UBR1: variants seen among roughly 807,000 people sequenced by gnomAD.
UBR1 encodes the protein E3 ubiquitin-protein ligase UBR1.
A neutral mutation model predicts 242.1 loss-of-function variants in UBR1; 102 were observed. The observed-to-expected ratio is 0.42, with a 90% CI of 0.36 to 0.50. The LOEUF (loss-of-function observed/expected upper bound fraction) is 0.50. UBR1 is among the 20% of genes least tolerant of loss of function. The probability of loss-of-function intolerance (pLI) is 0.01; values close to 1 mark genes in which losing one functional copy is unlikely to be tolerated. For synonymous variants in UBR1, 675 were observed against 684.8 expected, an observed-to-expected ratio of 0.99 and a Z score of 0.22; for missense variants, 1,772 against 2,101.8, an observed-to-expected ratio of 0.84 and a Z score of 3.07.
intron 29 of UBR1, 43 bp downstream of exon 29, chr15:43,015,645 A>G (rs755487127): frequency 6.2e-7 from 1 of 1,605,916 alleles, no homozygotes; most frequent in South Asian, 1.1e-5. Flanking sequence ...TCAATTTAAA[A>G]AAAAAAAATT....
At chr15:43,081,430 A>G (rs2033973709) in intron 3 of UBR1, among the ~76,000 whole-genome samples, 1 of 151,666 alleles carries the variant, frequency 6.6e-6, no homozygotes, top group African/African-American at 2.4e-5. Context: ...AAAAAAAAAA[A>G]AAAAAAAAAA....
intron 44 of UBR1, among the ~76,000 whole-genome samples, chr15:42,953,670 A>T (rs575097143): frequency 1.3e-5 from 2 of 152,254 alleles, no homozygotes; most frequent in South Asian, 4.1e-4. Flanking sequence ...AGGGAGCCTA[A>T]AGTATATGAC....
At chr15:43,025,225 C>A (rs1399112029) in intron 24 of UBR1, 156 bp downstream of exon 24, 3 of 832,272 alleles carry the variant, frequency 3.6e-6, no homozygotes, top group Admixed American at 2.5e-5. Context: ...CTGATATATA[C>A]CATATCTTAA....
intron 37 of UBR1, among the ~76,000 whole-genome samples, chr15:42,983,274 G>A (rs2032406441): frequency 1.3e-5 from 2 of 152,130 alleles, no homozygotes; most frequent in South Asian, 4.2e-4. Context: ...GGGGATACAT[G>A]GATGTTAGTG....
chr15:43,036,452 C>A lies in UBR1; in HGVS notation c.2088+76G>T, dbSNP rs573760413. On this transcript the variant is annotated intron_variant, in intron 18 of 46. Transcript: ENST00000290650. ...GAGTATTTTAAGTTAAAAATTATTA[C>A]ATTATCTTCTCTCCTTAGAAAGAAT... The A allele has an allele frequency of 2.0e-5, 26 of 1,294,706 alleles. No homozygotes were observed. The African/African-American group carries it at 3.5e-4, about 17-fold the overall frequency. 80.2% of individuals were successfully genotyped at this position (1,294,706 alleles called of 1,614,324 possible).
intron 14 of UBR1, among the ~76,000 whole-genome samples, chr15:43,044,428 T>C (rs2033458178): frequency 6.6e-6 from 1 of 152,182 alleles, no homozygotes; most frequent in South Asian, 2.1e-4. Context: ...AAAATATATT[T>C]GAGATAAGGA....
intron 14 of UBR1, among the ~76,000 whole-genome samples, chr15:43,044,196 T>C (rs988629476): frequency 3.3e-5 from 5 of 152,240 alleles, no homozygotes; most frequent in Non-Finnish European, 7.3e-5. Context: ...GGCACAGGCA[T>C]GTGAATACAC....
chr15:43,060,795 C>T (rs187799868), intron 6 of UBR1, among the ~76,000 whole-genome samples: 1 of 152,116 alleles, frequency 6.6e-6, no homozygotes, highest in Admixed American at 6.5e-5. Context: ...GTGACAGATT[C>T]AGAGATCCAT....
At chr15:43,075,776 T>C (rs544857530) in intron 3 of UBR1, among the ~76,000 whole-genome samples, 3,207 of 151,622 alleles carry the variant, frequency 0.021, 133 homozygotes, top group African/African-American at 0.074. Context: ...CCACCACGCC[T>C]GGCTAATTTT....
In UBR1 at chr15:43,086,104, G is replaced by A. The variant is rs267604211; in HGVS notation, c.218C>T (p.Pro73Leu). ...TTCTCCAAATAAGTACCATTCCAGT[G>A]GAGTGAATATTGACATTTGTACACT... ...EESVQMSIFT[P>L]LEWYLFGEDP... Residue 73 changes from proline to leucine, a missense_variant, in exon 2 of 47, where the codon CCA becomes CTA. This residue lies in a region of UBR1 where 734 missense variants were observed against 893.3 expected (regional missense o/e 0.82). Coordinates refer to ENST00000290650, the MANE Select transcript of UBR1 (RefSeq NM_174916.3). The A allele has an allele frequency of 6.2e-7, 1 of 1,613,978 alleles. No homozygotes were observed. The highest frequency in any genetic ancestry group is 8.5e-7 in the Non-Finnish European group (1 of 1,179,986).
chr15:43,082,051 A>C (rs974307228), intron 3 of UBR1, among the ~76,000 whole-genome samples: 1 of 152,112 alleles, frequency 6.6e-6, no homozygotes, highest in African/African-American at 2.4e-5. Flanking sequence ...GTATAACAAA[A>C]TTTTATTTTT....
In UBR1 at chr15:43,003,852, G is replaced by A; in HGVS notation, c.3494C>T (p.Ala1165Val). 6.2e-7 allele frequency: 1 copy of A among 1,614,088 alleles called. No homozygotes were observed. Among genetic ancestry groups the A allele is most frequent in the African/African-American group, 1.3e-5 (1 of 75,058 alleles). The change falls in exon 31 of 47, where the codon GCA (alanine) becomes GTA (valine). Residue 1165 changes from alanine to valine, a missense_variant. Physicochemically the swap from Ala to Val is moderately conservative, Grantham distance 64 (BLOSUM62 0). Coordinates refer to ENST00000290650, the MANE Select transcript of UBR1 (RefSeq NM_174916.3). The part of the protein sequence containing the change: ...YTGSCGHVMH[A>V]VCWQKYFEAV... ...GACAACTTACTTCTGCCAGCACACTGCGTGCATTACATGACCACAGCTTCC... is the reference window on the plus strand; with the variant it reads ...GACAACTTACTTCTGCCAGCACACTACGTGCATTACATGACCACAGCTTCC...
At chr15:43,102,698 C>T (rs567246094) in intron 1 of UBR1, among the ~76,000 whole-genome samples, 1 of 152,162 alleles carries the variant, frequency 6.6e-6, no homozygotes, top group Non-Finnish European at 1.5e-5. Context: ...AAATAATACC[C>T]CATGCCATCA....
At chr15:43,079,483 A>G (rs2033947939) in intron 3 of UBR1, among the ~76,000 whole-genome samples, 2 of 152,198 alleles carry the variant, frequency 1.3e-5, no homozygotes, top group South Asian at 4.1e-4. Context: ...CTTTAAAGAT[A>G]AAAGTCCTGA....
At chr15:43,035,767 C>T (rs1285297837) in intron 19 of UBR1, among the ~76,000 whole-genome samples, 6 of 151,098 alleles carry the variant, frequency 4.0e-5, no homozygotes, top group Admixed American at 2.0e-4. Context: ...TTAGGTCTAA[C>T]GTTTAAATCT....
intron 40 of UBR1, among the ~76,000 whole-genome samples, chr15:42,968,910 T>G (rs1397148875): frequency 1.3e-5 from 2 of 152,210 alleles, no homozygotes; most frequent in Non-Finnish European, 2.9e-5. Context: ...CTTTATCCAG[T>G]TTAACACTGA....
intron 6 of UBR1, among the ~76,000 whole-genome samples, chr15:43,063,422 G>A (rs1209670207): frequency 6.6e-6 from 1 of 152,150 alleles, no homozygotes; most frequent in Non-Finnish European, 1.5e-5. Flanking sequence ...ATAGCTCACA[G>A]TAATCCTACC....
At chr15:43,099,677 C>T (rs1413760731) in intron 1 of UBR1, among the ~76,000 whole-genome samples, 1 of 152,124 alleles carries the variant, frequency 6.6e-6, no homozygotes, top group Non-Finnish European at 1.5e-5. Context: ...TTCATTCATA[C>T]ATTCAATAAA....
chr15:43,029,080 G>A (rs1308174615), intron 21 of UBR1, among the ~76,000 whole-genome samples: 5 of 150,628 alleles, frequency 3.3e-5, no homozygotes, highest in Non-Finnish European at 7.4e-5. Context: ...GCGAGACTTC[G>A]TCTCAAGGAG....
Sources: allele counts gnomAD v4.1 joint callset (sites outside exome capture counted in the v4.1 genomes callset), GRCh38; gene constraint gnomAD v4.1.1; regional missense constraint gnomAD v4.1.1; transcripts MANE v1.5; gene names NCBI Gene and HGNC (gene_info 2026-07-23, HGNC 2026-07-21).